The following AIG1 variants were observed in gnomAD, a reference collection of about 807,000 sequenced individuals.
AIG1 encodes the protein androgen-induced gene 1 protein.
A neutral mutation model predicts 31.4 loss-of-function variants in AIG1; 23 were observed. The ratio of observed to expected loss-of-function variants is 0.73; its 90% CI spans 0.53 to 1.04. AIG1 has a LOEUF of 1.04. AIG1 is among the 50% of genes least tolerant of loss of function. The pLI is 0.00. For missense variants in AIG1, 274 were observed against 295.0 expected, an observed-to-expected ratio of 0.93 and a Z score of 0.52; for synonymous variants, 100 against 110.5, an observed-to-expected ratio of 0.90 and a Z score of 0.60.
At chr6:143,165,862 G>A (rs1425785445) in intron 3 of AIG1, among the ~76,000 whole-genome samples, 1 of 152,148 alleles carries the variant, frequency 6.6e-6, no homozygotes, top group Non-Finnish European at 1.5e-5. Context: ...AACATTTGAG[G>A]ATATATTTTC....
chr6:143,129,620 ATT>A (rs1783037241), intron 1 of AIG1, among the ~76,000 whole-genome samples: 2 of 152,170 alleles, frequency 1.3e-5, no homozygotes, highest in Non-Finnish European at 2.9e-5. Flanking sequence ...TGCAGAAATT[ATT>A]TTGTTTTTTC....
chr6:143,215,163 A>C (rs1791929847), intron 3 of AIG1, among the ~76,000 whole-genome samples: 1 of 152,160 alleles, frequency 6.6e-6, no homozygotes, highest in South Asian at 2.1e-4. Context: ...TAATTGGCTA[A>C]TATGCACACC....
chr6:143,168,540 G>GT (rs1233739954), intron 3 of AIG1, among the ~76,000 whole-genome samples: 1 of 151,710 alleles, frequency 6.6e-6, no homozygotes, highest in Admixed American at 6.6e-5. Context: ...AGTTTGCTGA[G>GT]AATGATAGTT....
chr6:143,169,552 A>C (rs1787293461), intron 3 of AIG1, among the ~76,000 whole-genome samples: 1 of 152,052 alleles, frequency 6.6e-6, no homozygotes. Flanking sequence ...TATTCCTCCT[A>C]TCTAGCTATA....
At position 143,333,135 on chromosome 6, in the gene AIG1, G is replaced by A; in HGVS notation, c.516-147G>A. On this transcript the variant is annotated intron_variant, in intron 4 of 5. Coordinates refer to ENST00000357847, the MANE Select transcript of AIG1 (RefSeq NM_016108.4). This position sits in a 1 kb window ranked among gnomAD's most constrained non-coding sequence, Gnocchi z 4.6. ...AAAATAAACAGCAACCAAGTTTCCA[G>A]TAGCTCCTGAGTATCAGAAGCGAAC... The A allele has an allele frequency of 5.8e-6, 4 of 689,708 alleles. No homozygotes were observed. The highest frequency in any genetic ancestry group is 2.2e-6 in the Non-Finnish European group (1 of 446,002). The allele number at this position is 689,708 out of a possible 1,614,324, so 42.7% of individuals were successfully genotyped here.
intron 4 of AIG1, among the ~76,000 whole-genome samples, chr6:143,312,739 AC>A (rs1775399843): frequency 6.6e-6 from 1 of 152,108 alleles, no homozygotes; most frequent in Non-Finnish European, 1.5e-5. Context: ...CTTCTGCACA[AC>A]AAAGGAAACC....
intron 3 of AIG1, among the ~76,000 whole-genome samples, chr6:143,246,549 T>G (rs994550547): frequency 6.6e-6 from 1 of 152,092 alleles, no homozygotes; most frequent in Non-Finnish European, 1.5e-5. Flanking sequence ...GAGATTTAGG[T>G]GGAGACACAG....
chr6:143,166,727 T>C (rs1475900871), intron 3 of AIG1, among the ~76,000 whole-genome samples: 4 of 152,238 alleles, frequency 2.6e-5, no homozygotes, highest in Non-Finnish European at 5.9e-5. Flanking sequence ...ATAGCTACTA[T>C]TATTTTTTTT....
chr6:143,165,204 G>A (rs775194611), intron 3 of AIG1, 21 bp downstream of exon 3: 94 of 1,558,412 alleles, frequency 6.0e-5, no homozygotes, highest in Non-Finnish European at 7.9e-5. Context: ...TAAAACAAAC[G>A]GCTTTCTTTT....
chr6:143,324,334 A>G (rs1351575067), intron 4 of AIG1, among the ~76,000 whole-genome samples: 2 of 152,244 alleles, frequency 1.3e-5, no homozygotes, highest in Non-Finnish European at 2.9e-5. Flanking sequence ...AAAGTGATTT[A>G]TCTTGCATCT....
At chr6:143,342,304 T>C, downstream of AIG1, 1 of 683,830 alleles carries the variant, frequency 1.5e-6, no homozygotes, top group East Asian at 2.7e-5. Context: ...TGGGCTCCCC[T>C]GGTGCGCAGC....
chr6:143,154,669 C>T (rs74896224), intron 2 of AIG1, among the ~76,000 whole-genome samples: 2 of 152,138 alleles, frequency 1.3e-5, no homozygotes, highest in East Asian at 3.9e-4. Flanking sequence ...TGGTGAAACC[C>T]GAATTTGGTC....
intron 5 of AIG1, among the ~76,000 whole-genome samples, chr6:143,335,862 T>G (rs1777447001): frequency 6.7e-6 from 1 of 149,012 alleles, no homozygotes; most frequent in Non-Finnish European, 1.5e-5. Context: ...GGCACGAGAA[T>G]CGCTTCAACC....
intron 3 of AIG1, among the ~76,000 whole-genome samples, chr6:143,198,573 G>T (rs187845204): frequency 1.3e-5 from 2 of 152,168 alleles, no homozygotes; most frequent in South Asian, 4.1e-4. Flanking sequence ...AAAATCGATG[G>T]TCTGGAGGTT....
chr6:143,297,339 G>C lies in AIG1; in HGVS notation c.515+13114G>C, dbSNP rs1174459450. On this transcript the variant is annotated intron_variant, in intron 4 of 5. Coordinates refer to ENST00000357847, the MANE Select transcript of AIG1 (RefSeq NM_016108.4). This position sits in a 1 kb window ranked among gnomAD's most constrained non-coding sequence, Gnocchi z 5.1. The stretch of plus-strand genomic sequence containing the variant: ...CCCATTGACATTTTGCCCTCCTCCT[G>C]TCACTGCAATATATATTCCACCTCA... 6.6e-6 allele frequency among the ~76,000 whole-genome samples: 1 copy of C among 152,180 alleles called. No homozygotes were observed. The highest frequency in any genetic ancestry group is 1.5e-5 in the Non-Finnish European group (1 of 68,036).
At chr6:143,201,171 A>G (rs1158516270) in intron 3 of AIG1, among the ~76,000 whole-genome samples, 1 of 152,062 alleles carries the variant, frequency 6.6e-6, no homozygotes, top group Non-Finnish European at 1.5e-5. Flanking sequence ...ACTGTTCCCA[A>G]AGTGGCTGAA....
At chr6:143,136,695 A>C in intron 1 of AIG1, 140 bp from the exon 2 acceptor site, 4 of 811,632 alleles carry the variant, frequency 4.9e-6, no homozygotes, top group Non-Finnish European at 7.0e-6. Context: ...TCTGTTCTCT[A>C]TTTCTAGGAG....
chr6:143,109,938 A>G (rs1169790572), intron 1 of AIG1, among the ~76,000 whole-genome samples: 1 of 152,160 alleles, frequency 6.6e-6, no homozygotes, highest in African/African-American at 2.4e-5. Context: ...CCTTTTCAGA[A>G]ATATTTACCC....
intron 1 of AIG1, among the ~76,000 whole-genome samples, chr6:143,126,073 C>A (rs1297513273): frequency 6.6e-6 from 1 of 152,170 alleles, no homozygotes; most frequent in Non-Finnish European, 1.5e-5. Flanking sequence ...GGGCTTAAAG[C>A]ATGTCACTTA....
Sources: allele counts gnomAD v4.1 joint callset (sites outside exome capture counted in the v4.1 genomes callset), GRCh38; gene constraint gnomAD v4.1.1; non-coding constraint Gnocchi (gnomAD v3.1); transcripts MANE v1.5; gene names NCBI Gene and HGNC (gene_info 2026-07-23, HGNC 2026-07-21).